Variants in RIN2 observed in about 807,000 individuals in gnomAD.
RIN2 encodes the protein RAB5 interacting protein 2.
In RIN2, 36 loss-of-function variants were observed where a neutral mutation model predicts 78.0. That is an observed-to-expected ratio of 0.46 (90% CI 0.35 to 0.61). The LOEUF (loss-of-function observed/expected upper bound fraction) is 0.61. Ranked by LOEUF, RIN2 falls within the 20% of genes least tolerant of loss-of-function variation. The pLI is 0.00. For synonymous variants in RIN2, 466 were observed against 466.8 expected, an observed-to-expected ratio of 1.00 and a Z score of 0.02; for missense variants, 1,087 against 1,159.7, an observed-to-expected ratio of 0.94 and a Z score of 0.91.
intron 3 of RIN2, among the ~76,000 whole-genome samples, chr20:19,913,262 C>A (rs2039551399): frequency 6.6e-6 from 1 of 152,034 alleles, no homozygotes; most frequent in South Asian, 2.1e-4. Context: ...ATAAAGCATA[C>A]ATAACATAAA....
chr20:19,944,680 A>G (rs1347711762), intron 4 of RIN2, among the ~76,000 whole-genome samples: 1 of 151,272 alleles, frequency 6.6e-6, no homozygotes, highest in East Asian at 2.0e-4. Context: ...AAAAATATCA[A>G]GAGAAGTGGC....
chr20:19,899,809 C>T (rs2038900844), intron 3 of RIN2, among the ~76,000 whole-genome samples: 1 of 152,140 alleles, frequency 6.6e-6, no homozygotes, highest in African/African-American at 2.4e-5. Context: ...AATGGTACCC[C>T]ATCACTTCTG....
chr20:19,912,475 C>CTTTTTTTTT (rs545323465), intron 3 of RIN2, among the ~76,000 whole-genome samples: 12 of 110,936 alleles, frequency 1.1e-4, no homozygotes, highest in Non-Finnish European at 1.4e-4. Context: ...TTTTCTTTTT[C>CTTTTTTTTT]TTTTTTTTTT....
At chr20:19,837,876 T>A (rs562326044) in intron 2 of RIN2, among the ~76,000 whole-genome samples, 1 of 152,210 alleles carries the variant, frequency 6.6e-6, no homozygotes, top group South Asian at 2.1e-4. Context: ...TTGAGAATTA[T>A]CTTCTCAATC....
intron 3 of RIN2, among the ~76,000 whole-genome samples, chr20:19,896,448 T>A (rs546357254): frequency 6.6e-6 from 1 of 152,320 alleles, no homozygotes; most frequent in African/African-American, 2.4e-5. Context: ...AGCAAATCCT[T>A]ACATGGTTCT....
At chr20:19,808,095 T>A (rs1417256294) in intron 2 of RIN2, among the ~76,000 whole-genome samples, 1 of 152,378 alleles carries the variant, frequency 6.6e-6, no homozygotes, top group South Asian at 2.1e-4. Flanking sequence ...TGTCCTTGCA[T>A]TGGCTAAGCA....
At chr20:19,786,352 C>T (rs2034676292) in intron 1 of RIN2, among the ~76,000 whole-genome samples, 1 of 152,172 alleles carries the variant, frequency 6.6e-6, no homozygotes, top group Non-Finnish European at 1.5e-5. Context: ...CTGAGGCTAC[C>T]ATGCTATGAG....
chr20:19,918,297 T>C (rs2039766407), intron 3 of RIN2, among the ~76,000 whole-genome samples: 1 of 152,092 alleles, frequency 6.6e-6, no homozygotes, highest in Non-Finnish European at 1.5e-5. Flanking sequence ...TGGATAGCTG[T>C]AAACTTCAGG....
At chr20:19,793,750 T>G (rs1044714170) in intron 1 of RIN2, among the ~76,000 whole-genome samples, 7 of 152,236 alleles carry the variant, frequency 4.6e-5, no homozygotes, top group Admixed American at 2.6e-4. Context: ...GAACAATGTT[T>G]TTAACACTTT....
At chr20:19,895,999 C>T (rs1007462820) in intron 3 of RIN2, 6 of 152,192 alleles carry the variant, frequency 3.9e-5, no homozygotes, top group African/African-American at 1.2e-4. Flanking sequence ...TCCAACTGCA[C>T]ATCTCAGGCC....
intron 1 of RIN2, among the ~76,000 whole-genome samples, chr20:19,795,712 C>A (rs146741925): frequency 2.5e-4 from 38 of 152,096 alleles, no homozygotes; most frequent in Non-Finnish European, 5.0e-4. Context: ...TGTGTCAAAT[C>A]CAAATTGGAA....
At chr20:19,831,354 G>A (rs1030209576) in intron 2 of RIN2, among the ~76,000 whole-genome samples, 13 of 152,154 alleles carry the variant, frequency 8.5e-5, no homozygotes, top group African/African-American at 2.9e-4. Context: ...AGACATCCAA[G>A]TTTTTCTTTT....
At chr20:19,849,799 C>T (rs2036904271) in intron 2 of RIN2, among the ~76,000 whole-genome samples, 1 of 152,112 alleles carries the variant, frequency 6.6e-6, no homozygotes. Flanking sequence ...AGAGAAAAGC[C>T]AGGGTTTTGT....
At chr20:19,951,142 C>T (rs551375427) in intron 4 of RIN2, among the ~76,000 whole-genome samples, 1 of 152,226 alleles carries the variant, frequency 6.6e-6, no homozygotes, top group East Asian at 1.9e-4. Context: ...GATCCATACA[C>T]CTTGCCCTCC....
chr20:19,957,925 C>G (rs1160395046), intron 5 of RIN2, among the ~76,000 whole-genome samples: 1 of 152,074 alleles, frequency 6.6e-6, no homozygotes, highest in African/African-American at 2.4e-5. Context: ...GTGTCTACTT[C>G]CAAAGGATAA....
At chr20:19,824,577 C>T (rs896768436) in intron 2 of RIN2, among the ~76,000 whole-genome samples, 3 of 151,984 alleles carry the variant, frequency 2.0e-5, no homozygotes, top group South Asian at 2.1e-4. Flanking sequence ...ATCCTTTCTC[C>T]TAAAGGGGGC....
chr20:19,815,590 C>T (rs1241308372), intron 2 of RIN2, among the ~76,000 whole-genome samples: 3 of 152,140 alleles, frequency 2.0e-5, no homozygotes, highest in Non-Finnish European at 4.4e-5. Flanking sequence ...CCCTGACATG[C>T]TCGGTGTGGT....
intron 2 of RIN2, among the ~76,000 whole-genome samples, chr20:19,834,953 G>A (rs926400142): frequency 2.7e-5 from 4 of 149,504 alleles, no homozygotes; most frequent in Admixed American, 6.7e-5. Context: ...AGAAAAGAGA[G>A]AGAGAGAGAG....
At chr20:19,897,716 C>CTTT (rs954169682) in intron 3 of RIN2, among the ~76,000 whole-genome samples, 1 of 144,042 alleles carries the variant, frequency 6.9e-6, no homozygotes, top group African/African-American at 2.5e-5. Flanking sequence ...CTGTTGGCTT[C>CTTT]TTTTTTTTTT....
Sources: gnomAD v4.1 joint callset for allele counts (sites outside exome capture counted in the v4.1 genomes callset) on GRCh38, gnomAD v4.1.1 for gene constraint, MANE v1.5 for transcripts, NCBI Gene and HGNC (gene_info 2026-07-23, HGNC 2026-07-21) for gene names.